The following PNPLA8 variants were observed in gnomAD, a reference collection of about 807,000 sequenced individuals.
The protein encoded by PNPLA8 is calcium-independent phospholipase A2-gamma.
A neutral mutation model predicts 76.9 loss-of-function variants in PNPLA8; 39 were observed. The observed-to-expected ratio is 0.51, with a 90% confidence interval of 0.39 to 0.66. PNPLA8 has a LOEUF of 0.66. Among genes scored for constraint, PNPLA8 ranks in the 30% least tolerant of loss-of-function variants. The probability of loss-of-function intolerance (pLI) is 0.00; values close to 1 mark genes in which losing one functional copy is unlikely to be tolerated. For synonymous variants in PNPLA8, 301 were observed against 307.9 expected (o/e 0.98, Z 0.24); for missense variants, 887 against 918.0 (o/e 0.97, Z 0.44).
At chr7:108,484,669 G>C (rs1257154278) in intron 9 of PNPLA8, among the ~76,000 whole-genome samples, 2 of 152,026 alleles carry the variant, frequency 1.3e-5, no homozygotes, top group African/African-American at 2.4e-5. Context: ...CAACTTCTTT[G>C]TTAAGCTGAC....
chr7:108,496,804 A>C, intron 6 of PNPLA8, 49 bp from the exon 7 acceptor site: 1 of 1,347,672 alleles, frequency 7.4e-7, no homozygotes, highest in Non-Finnish European at 9.9e-7. Context: ...TATAGCCCTT[A>C]TGATGTAAGA....
At chr7:108,496,808 T>TA (rs72570598) in intron 6 of PNPLA8, 53 bp from the exon 7 acceptor site, 2 of 1,240,534 alleles carry the variant, frequency 1.6e-6, no homozygotes, top group Non-Finnish European at 2.2e-6. Context: ...GCCCTTATGA[T>TA]GTAAGATTTC....
rs369992629 is a variant in PNPLA8 at position 108,488,773 on chromosome 7, A to G, written c.1684-820T>C. 2.6e-5 allele frequency among the ~76,000 whole-genome samples: 4 copies of G among 152,322 alleles called. 1 individual carries two copies. In the South Asian group the frequency reaches 6.2e-4, roughly 24 times the overall value. On this transcript the variant is annotated intron_variant, in intron 8 of 10. Transcript: ENST00000257694. ...TGTTTATTAAAAAACTATAATGTCA[A>G]CCATCTCAGGTCTCAAATTTTATCA... is the stretch of plus-strand genomic sequence containing the variant.
Position 108,496,664 on chromosome 7 carries a change from T to C in PNPLA8, c.1545A>G (p.Ser515=). Residue 515 remains serine, a synonymous_variant, in exon 7 of 11, where the codon TCA becomes TCG. Transcript: ENST00000257694. ...LYRKLGSDVF[S]QNVIVGTVKM... Reference sequence around the variant, plus strand: ...TTACTGTTCCAACAATGACATTTTGTGAAAATACATCTGATCCTAATTTTC... The same window carrying C: ...TTACTGTTCCAACAATGACATTTTGCGAAAATACATCTGATCCTAATTTTC... 2 of 1,612,746 alleles carry C rather than the reference T, an allele frequency of 1.2e-6. No individual in the cohort carries two copies. The highest frequency in any genetic ancestry group is 1.1e-5 in the South Asian group (1 of 90,970).
rs1235847097 is a variant in PNPLA8 at position 108,496,595 on chromosome 7, T to C, written c.1614A>G (p.Glu538=). Residue 538 remains glutamate (E), a synonymous_variant, in exon 7 of 11, where the codon GAA becomes GAG. Coordinates refer to ENST00000257694, the MANE Select transcript of PNPLA8 (RefSeq NM_001256007.3). ...TAATTGTAACTTACTTAAGAATGTT[T>C]TCCCATGTTTGACTGTCATAAAATG... ...SHAFYDSQTW[E]NILKDRMGSA... is the part of the protein sequence containing the mutation. 6.3e-7 allele frequency: 1 copy of C among 1,595,338 alleles called. No homozygotes were observed. Among genetic ancestry groups the C allele is most frequent in the East Asian group, 2.3e-5 (1 of 43,806 alleles).
Position 108,518,752 on chromosome 7 carries a change from TATATATAC to T in PNPLA8, c.-84+2716_-84+2723del, listed in dbSNP as rs1464474142. ...ATATATATATATATATATATATATA[TATATATAC>T]ACACACACACACACATATATTAAGA... On this transcript the variant is annotated intron_variant, in intron 2 of 10. Coordinates refer to ENST00000257694, the MANE Select transcript of PNPLA8 (RefSeq NM_001256007.3). Among the ~76,000 whole-genome samples, 382 of 125,674 alleles carry T rather than the reference TATATATAC, an allele frequency of 3.0e-3. 2 individuals are homozygous for T. Among genetic ancestry groups the T allele is most frequent in the African/African-American group, 0.011 (363 of 32,504 alleles). 82.4% of individuals were successfully genotyped at this position (125,674 alleles called of 152,430 possible).
At chr7:108,474,559 G>A (rs1440882529) in intron 10 of PNPLA8, among the ~76,000 whole-genome samples, 30 of 152,160 alleles carry the variant, frequency 2.0e-4, no homozygotes. Flanking sequence ...AAAATCAGTT[G>A]TATTTCTGCA....
At chr7:108,512,047 C>T in intron 4 of PNPLA8, among the ~76,000 whole-genome samples, 1 of 152,104 alleles carries the variant, frequency 6.6e-6, no homozygotes, top group Non-Finnish European at 1.5e-5. Flanking sequence ...TATTTCCTTG[C>T]CACAGAAATC....
intron 9 of PNPLA8, among the ~76,000 whole-genome samples, chr7:108,484,532 A>G (rs1860610232): frequency 6.6e-6 from 1 of 151,984 alleles, no homozygotes; most frequent in African/African-American, 2.4e-5. Flanking sequence ...CAGCACTACA[A>G]TCTATTTCCA....
intron 9 of PNPLA8, among the ~76,000 whole-genome samples, chr7:108,480,503 G>C (rs1860320282): frequency 6.6e-6 from 1 of 152,146 alleles, no homozygotes; most frequent in African/African-American, 2.4e-5. Context: ...TACACGGAAA[G>C]GCATTTCTTC....
chr7:108,502,638 C>A lies in PNPLA8; in HGVS notation c.1211G>T (p.Arg404Ile), dbSNP rs1240703211. The A allele has an allele frequency of 3.1e-6, 5 of 1,604,086 alleles. No homozygotes were observed. In the East Asian group the frequency reaches 6.7e-5, roughly 21 times the overall value. Residue 404 changes from arginine to isoleucine, a missense_variant, in exon 5 of 11, where the codon AGA (arginine) becomes ATA (isoleucine). By Grantham distance (97) the Arg-to-Ile change is moderately conservative. Transcript: ENST00000257694. ...CAGTCGTAATAAATATGGAATAATT[C>A]TTTCCTATATTGAGAGAAAAGATAC... Reference protein sequence around the residue: ...PEGKGVAVKERIIPYLLRLRQ... With the variant: ...PEGKGVAVKEIIIPYLLRLRQ...
At chr7:108,524,838 T>A (rs187583902) in intron 1 of PNPLA8, among the ~76,000 whole-genome samples, 1 of 152,248 alleles carries the variant, frequency 6.6e-6, no homozygotes, top group Admixed American at 6.5e-5. Flanking sequence ...GGAAGGTGTC[T>A]ATGGCTCAGC....
chr7:108,505,342 ATATATATATATTTTTTTTTTTTTTT>A (rs1478387102), intron 4 of PNPLA8, among the ~76,000 whole-genome samples: 2 of 5,506 alleles, frequency 3.6e-4, no homozygotes, highest in Non-Finnish European at 5.2e-4. Flanking sequence ...ATATATATAT[ATATATATATATTTTTTTTTTTTTTT>A]TTTTTTTTTT....
In PNPLA8 at chr7:108,485,283, G is replaced by A. The variant is rs527582470; in HGVS notation, c.1878+2476C>T. 1.2e-3 allele frequency among the ~76,000 whole-genome samples: 185 copies of A among 152,198 alleles called. 1 individual carries two copies. The highest frequency in any genetic ancestry group is 4.3e-3 in the African/African-American group (179 of 41,552). ...TACTTGGGCAGATAGGGAGAGATTGGGAGCTACTCACAAAGAATTCTTCTC... is the reference window on the plus strand; with the variant it reads ...TACTTGGGCAGATAGGGAGAGATTGAGAGCTACTCACAAAGAATTCTTCTC... On this transcript the variant is annotated intron_variant, in intron 9 of 10. Coordinates refer to ENST00000257694, the MANE Select transcript of PNPLA8 (RefSeq NM_001256007.3).
At position 108,515,064 on chromosome 7, in the gene PNPLA8, C is replaced by T. The variant is rs747534732; in HGVS notation, c.428G>A (p.Gly143Asp). The T allele has an allele frequency of 1.2e-6, 2 of 1,607,688 alleles. No individual in the cohort carries two copies. The highest frequency in any genetic ancestry group is 2.2e-5 in the East Asian group (1 of 44,866). The change falls in exon 3 of 11, where the codon GGC (glycine) becomes GAC (aspartate). Residue 143 changes from glycine to aspartate, a missense_variant. By Grantham distance (94) the Gly-to-Asp change is moderately conservative. Transcript: ENST00000257694. The part of the protein sequence containing the change: ...SQILRKVSDS[G>D]WLKQKNIKQA... Reference sequence around the variant, plus strand: ...TTTGATGTTTTTCTGTTTTAACCAGCCACTATCCGATACTTTTCTTAAAAT... The same window carrying T: ...TTTGATGTTTTTCTGTTTTAACCAGTCACTATCCGATACTTTTCTTAAAAT...
At chr7:108,518,491 A>G (rs544093879) in intron 2 of PNPLA8, among the ~76,000 whole-genome samples, 1 of 152,170 alleles carries the variant, frequency 6.6e-6, no homozygotes, top group East Asian at 1.9e-4. Context: ...ACCCAAATGT[A>G]CACTATGAAC....
At chr7:108,506,631 T>C (rs1433089686) in intron 4 of PNPLA8, among the ~76,000 whole-genome samples, 2 of 151,042 alleles carry the variant, frequency 1.3e-5, no homozygotes, top group African/African-American at 2.4e-5. Flanking sequence ...CTGCAAACCA[T>C]CCAAATGTCT....
intron 2 of PNPLA8, among the ~76,000 whole-genome samples, chr7:108,516,355 T>C (rs967219364): frequency 6.6e-6 from 1 of 152,136 alleles, no homozygotes; most frequent in African/African-American, 2.4e-5. Context: ...GCAAAGGTAA[T>C]ACAATGGGGC....
intron 7 of PNPLA8, 120 bp downstream of exon 7, chr7:108,496,464 C>T (rs1861553980): frequency 1.7e-6 from 1 of 592,780 alleles, no homozygotes; most frequent in African/African-American, 2.0e-5. Flanking sequence ...ATTTAATATT[C>T]TTGATATTTT....
Sources: gnomAD v4.1 joint callset for allele counts (sites outside exome capture counted in the v4.1 genomes callset) on GRCh38, gnomAD v4.1.1 for gene constraint, MANE v1.5 for transcripts, NCBI Gene and HGNC (gene_info 2026-07-23, HGNC 2026-07-21) for gene names.